FSD1: variants seen among roughly 807,000 people sequenced by gnomAD.
FSD1 encodes fibronectin type III and SPRY domain-containing protein 1.
Under a neutral mutation model 58.2 loss-of-function variants are expected in FSD1, and 23 were observed. That is an observed-to-expected ratio of 0.40 (90% confidence interval 0.28 to 0.56). The LOEUF is 0.56. FSD1 is among the 20% of genes least tolerant of loss of function. The probability of loss-of-function intolerance (pLI) is 0.54; values close to 1 mark genes in which losing one functional copy is unlikely to be tolerated. For missense variants in FSD1, 563 were observed against 670.8 expected (o/e 0.84, Z 1.78); for synonymous variants, 265 against 263.4 (o/e 1.01, Z -0.06).
chr19:4,315,383 A>G, intron 7 of FSD1, among the ~76,000 whole-genome samples: 1 of 129,448 alleles, frequency 7.7e-6, no homozygotes, highest in East Asian at 2.2e-4. Context: ...ATCTCGGCTC[A>G]CTGCAAGCTC....
intron 1 of FSD1, among the ~76,000 whole-genome samples, chr19:4,305,323 C>T (rs567619527): frequency 8.1e-4 from 122 of 151,504 alleles, no homozygotes; most frequent in Non-Finnish European, 1.5e-3. Context: ...TTATCTTTCT[C>T]CCCCAGGTAG....
chr19:4,314,061 C>T (rs968512923), intron 7 of FSD1, among the ~76,000 whole-genome samples: 5 of 152,028 alleles, frequency 3.3e-5, no homozygotes, highest in Admixed American at 6.6e-5. Flanking sequence ...CCATCCTGAT[C>T]CAGGGGAATC....
At chr19:4,322,417 C>T (rs1396197999) in intron 10 of FSD1, among the ~76,000 whole-genome samples, 2 of 150,868 alleles carry the variant, frequency 1.3e-5, no homozygotes, top group Non-Finnish European at 3.0e-5. Context: ...GAGGGAATAG[C>T]AGGAACCAAG....
chr19:4,310,307 G>A lies in FSD1; in HGVS notation c.368+12G>A. ...CAAATCAAAGATGGGTAAGACACTG[G>A]GGTCTGGCCCCCACCCCACTACCCT... On this transcript the variant is annotated intron_variant, in intron 5 of 12. Transcript: ENST00000221856. The A allele has an allele frequency of 4.3e-6, 7 of 1,614,102 alleles. No homozygotes were observed. The highest frequency in any genetic ancestry group is 5.9e-6 in the Non-Finnish European group (7 of 1,179,920).
chr19:4,311,972 C>G lies in FSD1; in HGVS notation c.621C>G (p.Phe207Leu). Residue 207 changes from phenylalanine (F) to leucine (L), a missense_variant, in exon 7 of 13, where the codon TTC (phenylalanine) becomes TTG (leucine). Physicochemically the swap from Phe to Leu is conservative, Grantham distance 22. Coordinates refer to ENST00000221856, the MANE Select transcript of FSD1 (RefSeq NM_024333.3). ...HYVLEYRRTN[F>L]EGPPRLKEDQ... ...TGCTGGAGTACCGGCGGACCAACTTCGAGGGCCCGCCCCGCCTCAAGGAGG... is the reference window on the plus strand; with the variant it reads ...TGCTGGAGTACCGGCGGACCAACTTGGAGGGCCCGCCCCGCCTCAAGGAGG... 6.2e-7 allele frequency: 1 copy of G among 1,607,972 alleles called. No homozygotes were observed. The highest frequency in any genetic ancestry group is 8.5e-7 in the Non-Finnish European group (1 of 1,179,378).
chr19:4,311,844 C>A lies in FSD1; in HGVS notation c.493C>A (p.Pro165Thr). Residue 165 changes from proline to threonine, a missense_variant and splice_region_variant, in exon 7 of 13, where the codon CCC becomes ACC. By Grantham distance (38) the Pro-to-Thr change is conservative. Transcript: ENST00000221856. ...CCTCTCCTTTCCGTCTTGGTCAGTG[C>A]CCAGCGCACCCGTGATCGACCTGGC... Reference protein sequence around the residue: ...MLQALKFLPVPSAPVIDLAES... With the variant: ...MLQALKFLPVTSAPVIDLAES... 6.2e-7 allele frequency: 1 copy of A among 1,614,088 alleles called. No individual in the cohort carries two copies. Among genetic ancestry groups the A allele is most frequent in the Non-Finnish European group, 8.5e-7 (1 of 1,179,952 alleles).
chr19:4,319,437 AG>A (rs1971790729), intron 10 of FSD1, among the ~76,000 whole-genome samples: 1 of 152,212 alleles, frequency 6.6e-6, no homozygotes, highest in Admixed American at 6.5e-5. Flanking sequence ...GATCCTGTGA[AG>A]AAGAAGCTGG....
chr19:4,308,020 T>G, intron 4 of FSD1, 37 bp downstream of exon 4: 1 of 1,503,978 alleles, frequency 6.6e-7, no homozygotes, highest in Non-Finnish European at 9.2e-7. Context: ...AAGAACAGTG[T>G]GCCCAGTCAC....
Position 4,323,062 on chromosome 19 carries a change from C to T in FSD1, c.1116C>T (p.Gly372=), listed in dbSNP as rs367629466. 1.1e-5 allele frequency: 18 copies of T among 1,611,298 alleles called. No individual in the cohort carries two copies. The East Asian group carries it at 2.9e-4, about 26-fold the overall frequency. The change falls in exon 11 of 13, where the codon GGC becomes GGT. Residue 372 remains glycine, a synonymous_variant. Transcript: ENST00000221856. This position sits in a 1 kb window ranked among gnomAD's most constrained non-coding sequence, Gnocchi z 7.7. ...CGGACAGCAAGGCGTTCGGCGTGGG[C>T]GTGGCCTACCGCAGCCTGGGCCGCT... ...YEPDSKAFGV[G]VAYRSLGRFE...
At chr19:4,319,071 C>A in intron 10 of FSD1, 120 bp downstream of exon 10, 1 of 748,760 alleles carries the variant, frequency 1.3e-6, no homozygotes, top group Non-Finnish European at 2.3e-6. Flanking sequence ...AAGCTGCTCC[C>A]GGAATAACAG....
At chr19:4,319,088 C>A in intron 10 of FSD1, 137 bp downstream of exon 10, 1 of 685,090 alleles carries the variant, frequency 1.5e-6, no homozygotes, top group Non-Finnish European at 2.6e-6. Flanking sequence ...ACAGGTTGTT[C>A]TGGCACTGCC....
At chr19:4,312,153 A>G (rs1971700565) in intron 7 of FSD1, 102 bp downstream of exon 7, 1 of 1,056,128 alleles carries the variant, frequency 9.5e-7, no homozygotes, top group Non-Finnish European at 1.4e-6. Context: ...CGATCCCCAA[A>G]GCTCATGGGG....
At chr19:4,317,906 A>C (rs1971771962) in intron 8 of FSD1, among the ~76,000 whole-genome samples, 1 of 152,174 alleles carries the variant, frequency 6.6e-6, no homozygotes, top group Non-Finnish European at 1.5e-5. Context: ...AGTCCCAGCT[A>C]CTTGGGAGGC....
intron 4 of FSD1, among the ~76,000 whole-genome samples, chr19:4,308,667 C>T (rs780493726): frequency 2.6e-5 from 4 of 152,124 alleles, no homozygotes; most frequent in East Asian, 3.9e-4. Context: ...ACCATCCTAA[C>T]ACAGTGAAAC....
At chr19:4,317,315 C>G in intron 8 of FSD1, 35 bp downstream of exon 8, 2 of 1,231,242 alleles carry the variant, frequency 1.6e-6, no homozygotes, top group South Asian at 2.4e-5. Flanking sequence ...ACCCCTAACT[C>G]CATGGCCCCT....
intron 9 of FSD1, 117 bp from the exon 10 acceptor site, chr19:4,318,755 C>G: frequency 1.2e-6 from 1 of 861,690 alleles, no homozygotes; most frequent in Non-Finnish European, 2.0e-6. Flanking sequence ...GAGCCAAATA[C>G]TGCCAGAGAT....
intron 6 of FSD1, 131 bp downstream of exon 6, chr19:4,310,727 T>G: frequency 4.7e-6 from 5 of 1,071,092 alleles, no homozygotes; most frequent in Non-Finnish European, 6.7e-6. Flanking sequence ...GGTGGAGCTC[T>G]GAGAATTCCA....
intron 10 of FSD1, 35 bp from the exon 11 acceptor site, chr19:4,322,951 G>T: frequency 1.3e-6 from 2 of 1,587,794 alleles, no homozygotes; most frequent in Non-Finnish European, 1.7e-6. Flanking sequence ...GTTCTATCCA[G>T]TTCCCCTGCC....
At chr19:4,313,494 C>T (rs186725877) in intron 7 of FSD1, among the ~76,000 whole-genome samples, 36 of 148,954 alleles carry the variant, frequency 2.4e-4, no homozygotes, top group Middle Eastern at 3.6e-3. Context: ...CTTAGGCGGG[C>T]GGATCTTGAA....
Sources: gnomAD v4.1 joint callset for allele counts (sites outside exome capture counted in the v4.1 genomes callset) on GRCh38, gnomAD v4.1.1 for gene constraint, Gnocchi (gnomAD v3.1) non-coding constraint, MANE v1.5 for transcripts, NCBI Gene and HGNC (gene_info 2026-07-23, HGNC 2026-07-21) for gene names.